The following MARCHF1 variants were observed in gnomAD, a reference collection of about 807,000 sequenced individuals.
MARCHF1 encodes membrane associated ring-CH-type finger 1.
MARCHF1 carries 40 observed loss-of-function variants against 54.2 expected under a neutral mutation model. The ratio of observed to expected loss-of-function variants is 0.74; its 90% CI spans 0.57 to 0.96. MARCHF1 has a LOEUF of 0.96. Among genes scored for constraint, MARCHF1 ranks in the 40% least tolerant of loss-of-function variants. The pLI is 0.00. For missense variants in MARCHF1, 586 were observed against 656.5 expected (o/e 0.89, Z 1.17); for synonymous variants, 236 against 236.3 (o/e 1.00, Z 0.01).
At chr4:163,584,412 C>A (rs1740339035) in intron 8 of MARCHF1, 1 of 152,090 alleles carries the variant, frequency 6.6e-6, no homozygotes, top group East Asian at 1.9e-4. Flanking sequence ...TCGTGGAGTA[C>A]AATGTGCCAT....
intron 4 of MARCHF1, among the ~76,000 whole-genome samples, chr4:163,731,722 G>C (rs543449751): frequency 6.6e-6 from 1 of 152,138 alleles, no homozygotes; most frequent in Non-Finnish European, 1.5e-5. Context: ...CACTCAAAAG[G>C]ATTAGTAGAC....
At chr4:163,541,266 A>C (rs1403222371) in intron 9 of MARCHF1, among the ~76,000 whole-genome samples, 1 of 152,202 alleles carries the variant, frequency 6.6e-6, no homozygotes, top group African/African-American at 2.4e-5. Flanking sequence ...AAACAAAGTC[A>C]ATTTGTTATG....
intron 1 of MARCHF1, among the ~76,000 whole-genome samples, chr4:164,288,218 G>GA (rs59397179): frequency 0.9 from 136,662 of 151,976 alleles, 61,618 homozygotes; most frequent in Non-Finnish European, 0.93. Context: ...AAAGGATTGA[G>GA]AAAAAAGTAG....
At chr4:163,782,786 G>T (rs76610867) in intron 4 of MARCHF1, among the ~76,000 whole-genome samples, 3,632 of 152,142 alleles carry the variant, frequency 0.024, 65 homozygotes, top group East Asian at 0.074. Flanking sequence ...TGCAAAGTCA[G>T]ACAAGTGTAG....
intron 3 of MARCHF1, among the ~76,000 whole-genome samples, chr4:163,909,927 T>C (rs187742359): frequency 3.2e-4 from 48 of 152,302 alleles, no homozygotes; most frequent in African/African-American, 1.1e-3. Flanking sequence ...AAACATTTCA[T>C]TAAATACTAG....
In MARCHF1 at chr4:164,097,729, C is replaced by T. The variant is rs79640496; in HGVS notation, c.-248+13859G>A. Among the ~76,000 whole-genome samples the T allele has an allele frequency of 4.3e-3, 659 of 152,248 alleles. 3 individuals carry two copies. Among genetic ancestry groups the T allele is most frequent in the African/African-American group, 0.015 (629 of 41,538 alleles). On this transcript the variant is annotated intron_variant, in intron 2 of 9. Transcript: ENST00000514618. ...GTGACTCTGTAATGGGTCAACTGGG[C>T]TAGGATCAACTACATTTTCCAGAAT...
intron 5 of MARCHF1, among the ~76,000 whole-genome samples, chr4:163,618,769 A>C (rs1362538452): frequency 6.6e-6 from 1 of 152,204 alleles, no homozygotes; most frequent in Admixed American, 6.5e-5. Flanking sequence ...CTCTGGAAAT[A>C]AAGAAACAGA....
intron 7 of MARCHF1, among the ~76,000 whole-genome samples, chr4:163,604,296 C>T (rs1255470612): frequency 6.6e-6 from 1 of 152,106 alleles, no homozygotes; most frequent in East Asian, 1.9e-4. Context: ...CTCATCCTCC[C>T]TTTTTAAATC....
intron 1 of MARCHF1, among the ~76,000 whole-genome samples, chr4:164,187,471 C>A (rs1315399551): frequency 1.3e-5 from 2 of 152,106 alleles, no homozygotes; most frequent in African/African-American, 2.4e-5. Context: ...TAGTATCTAC[C>A]CAGGCTTCCT....
In MARCHF1 at chr4:164,134,642, T is replaced by G. The variant is rs935637588; in HGVS notation, c.-322-22980A>C. On this transcript the variant is annotated intron_variant, in intron 1 of 9. Coordinates refer to ENST00000514618, the MANE Select transcript of MARCHF1 (RefSeq NM_001394959.1). ...TATTCAATATACTCTGGAAATAAAC[T>G]TAAGAAATAGACATGACTGATAACA... 1.7e-4 allele frequency among the ~76,000 whole-genome samples: 26 copies of G among 152,206 alleles called. 1 individual carries two copies. The highest frequency in any genetic ancestry group is 6.3e-4 in the African/African-American group (26 of 41,526).
chr4:164,372,620 T>C (rs1731067579), intron 1 of MARCHF1, among the ~76,000 whole-genome samples: 1 of 152,126 alleles, frequency 6.6e-6, no homozygotes, highest in African/African-American at 2.4e-5. Context: ...CTGTGTTGTG[T>C]TTATTATCCT....
intron 9 of MARCHF1, among the ~76,000 whole-genome samples, 194 bp from the exon 10 acceptor site, chr4:163,529,240 A>G (rs1271963213): frequency 6.6e-6 from 1 of 152,042 alleles, no homozygotes; most frequent in South Asian, 2.1e-4. Context: ...TCCTACATGT[A>G]CTGTCAAAAT....
At chr4:164,021,383 C>T (rs576556237) in intron 2 of MARCHF1, among the ~76,000 whole-genome samples, 10 of 152,262 alleles carry the variant, frequency 6.6e-5, no homozygotes, top group Non-Finnish European at 1.2e-4. Flanking sequence ...CCTGCTGATA[C>T]TAGTCTCAGA....
chr4:163,586,013 G>T, intron 7 of MARCHF1, 84 bp from the exon 8 acceptor site: 1 of 1,257,440 alleles, frequency 8.0e-7, no homozygotes, highest in East Asian at 2.6e-5. Context: ...TTATACTAGG[G>T]CTATTATAAA....
rs373408475 is a variant in MARCHF1 at position 164,070,283 on chromosome 4, G to C, written c.-248+41305C>G. On this transcript the variant is annotated intron_variant, in intron 2 of 9. Transcript: ENST00000514618. ...TTTCTGTCATGACACAATGTTAAAT[G>C]TGACAAATAAGTGATACATACAGGC... 1.4e-4 allele frequency among the ~76,000 whole-genome samples: 21 copies of C among 152,216 alleles called. No homozygotes were observed. In the Middle Eastern group the frequency reaches 0.01, roughly 74 times the overall value.
chr4:164,109,669 G>A (rs916032658), intron 2 of MARCHF1, among the ~76,000 whole-genome samples: 2 of 151,290 alleles, frequency 1.3e-5, no homozygotes, highest in Non-Finnish European at 3.0e-5. Context: ...CAAGAAGCGC[G>A]TGACCAAAGC....
intron 4 of MARCHF1, among the ~76,000 whole-genome samples, chr4:163,767,371 T>TCGCCCAGGCTGGAGTGCAGTGG (rs1747012725): frequency 6.6e-6 from 1 of 151,586 alleles, no homozygotes; most frequent in African/African-American, 2.4e-5. Flanking sequence ...GTCTCGCTCG[T>TCGCCCAGGCTGGAGTGCAGTGG]CGCCCAGGCT....
intron 2 of MARCHF1, among the ~76,000 whole-genome samples, chr4:163,992,405 T>C (rs2110895585): frequency 6.6e-6 from 1 of 152,034 alleles, no homozygotes; most frequent in African/African-American, 2.4e-5. Flanking sequence ...TGAAAGACAA[T>C]ATAGAATAAT....
intron 4 of MARCHF1, among the ~76,000 whole-genome samples, chr4:163,720,843 G>A (rs1314107781): frequency 3.3e-5 from 5 of 152,182 alleles, no homozygotes; most frequent in Non-Finnish European, 7.3e-5. Flanking sequence ...TGTTATTGGT[G>A]TATAAGAATG....
Sources: gnomAD v4.1 joint callset for allele counts (sites outside exome capture counted in the v4.1 genomes callset) on GRCh38, gnomAD v4.1.1 for gene constraint, MANE v1.5 for transcripts, NCBI Gene and HGNC (gene_info 2026-07-23, HGNC 2026-07-21) for gene names.